Variants in PCDHGA3 observed in about 807,000 individuals in gnomAD.
The protein encoded by PCDHGA3 is protocadherin gamma-A3.
A neutral mutation model predicts 58.5 loss-of-function variants in PCDHGA3; 40 were observed. That is an observed-to-expected ratio of 0.68 (90% CI 0.53 to 0.89). The LOEUF (loss-of-function observed/expected upper bound fraction) is 0.89, where lower values mean the gene tolerates loss of function less well. PCDHGA3 is among the 40% of genes least tolerant of loss of function. The pLI, the probability that PCDHGA3 is intolerant of heterozygous loss-of-function variation, is 0.00. For missense variants in PCDHGA3, 1,223 were observed against 1,195.9 expected, an observed-to-expected ratio of 1.02 and a Z score of -0.33; for synonymous variants, 530 against 525.7, an observed-to-expected ratio of 1.01 and a Z score of -0.11.
At chr5:141,400,608 A>G in intron 1 of PCDHGA3, 1 of 1,580,872 alleles carries the variant, frequency 6.3e-7, no homozygotes, top group Admixed American at 1.7e-5. Flanking sequence ...TTTCAAGTCC[A>G]ATGAGTTGTC....
chr5:141,374,327 G>C (rs766746841), intron 1 of PCDHGA3: 24 of 1,613,984 alleles, frequency 1.5e-5, no homozygotes, highest in Non-Finnish European at 2.0e-5. Context: ...TCCGCGAAAC[G>C]GCAGCTTGGT....
intron 1 of PCDHGA3, chr5:141,428,419 CTCTGT>C (rs2097138377): frequency 4.4e-6 from 2 of 451,802 alleles, no homozygotes; most frequent in African/African-American, 2.0e-5. Context: ...TCACCCTGGT[CTCTGT>C]TCTAAGACTA....
intron 1 of PCDHGA3, chr5:141,404,978 G>C: frequency 6.2e-7 from 1 of 1,613,976 alleles, no homozygotes; most frequent in Non-Finnish European, 8.5e-7. Context: ...GGCTGACCTG[G>C]GCAGTCTTCA....
Position 141,432,151 on chromosome 5 carries a change from C to T in PCDHGA3, c.2425-62656C>T. 2 of 1,614,122 alleles carry T rather than the reference C, an allele frequency of 1.2e-6. No homozygotes were observed. The highest frequency in any genetic ancestry group is 2.2e-5 in the South Asian group (2 of 91,066). ...CCTATTCCGCTTATATCCCAGAGAA[C>T]AATCCCAGAGGAGTTTCCCTCGTCT... On this transcript the variant is annotated intron_variant, in intron 1 of 3. Transcript: ENST00000253812. The surrounding 1 kb of genome is among the most constrained non-coding windows in gnomAD (Gnocchi z 6.0).
chr5:141,402,892 A>G, intron 1 of PCDHGA3: 10 of 1,498,814 alleles, frequency 6.7e-6, no homozygotes, highest in Non-Finnish European at 8.9e-6. Flanking sequence ...GGTGGAAGAA[A>G]GAACCTGATG....
At position 141,486,637 on chromosome 5, in the gene PCDHGA3, G is replaced by C. The variant is rs761072169; in HGVS notation, c.2425-8170G>C. 28 of 1,613,638 alleles carry C rather than the reference G, an allele frequency of 1.7e-5. No homozygotes were observed. The highest frequency in any genetic ancestry group is 1.1e-5 in the Non-Finnish European group (13 of 1,180,034). ...CTGACCCAGACTCTGGCTTGAATGC[G>C]CTTATCTCCTACTCACTCCTGGAGC... On this transcript the variant is annotated intron_variant, in intron 1 of 3. Transcript: ENST00000253812. This position sits in a 1 kb window ranked among gnomAD's most constrained non-coding sequence, Gnocchi z 5.0.
Position 141,394,174 on chromosome 5 carries a change from A to G in PCDHGA3, c.2424+47717A>G, listed in dbSNP as rs774402638. On this transcript the variant is annotated intron_variant, in intron 1 of 3. Coordinates refer to ENST00000253812, the MANE Select transcript of PCDHGA3 (RefSeq NM_018916.4). ...AACGACAACCCTCCTACTTTCCCTC[A>G]TGCCTCCTACTCAGCGTATATCCTA... 3 of 1,613,706 alleles carry G rather than the reference A, an allele frequency of 1.9e-6. No individual in the cohort carries two copies. In the East Asian group the frequency reaches 6.7e-5, roughly 36 times the overall value.
In PCDHGA3 at chr5:141,489,291, C is replaced by A; in HGVS notation, c.2425-5516C>A. ...TCGCTGGGAAATGGCAAGTGCTGTG[C>A]ATGTTGTCCTTGTGCTGCTGGGGCT... is the stretch of plus-strand genomic sequence containing the variant. On this transcript the variant is annotated intron_variant, in intron 1 of 3. Transcript: ENST00000253812. This position sits in a 1 kb window ranked among gnomAD's most constrained non-coding sequence, Gnocchi z 4.5. 6.3e-7 allele frequency: 1 copy of A among 1,577,628 alleles called. No homozygotes were observed. The highest frequency in any genetic ancestry group is 8.6e-7 in the Non-Finnish European group (1 of 1,161,994).
chr5:141,360,186 G>A, intron 1 of PCDHGA3: 2 of 1,611,332 alleles, frequency 1.2e-6, no homozygotes, highest in Admixed American at 3.4e-5. Flanking sequence ...TGCAGGTACT[G>A]TTGCCCTTCC....
intron 1 of PCDHGA3, among the ~76,000 whole-genome samples, chr5:141,472,113 A>G (rs1296591849): frequency 1.3e-5 from 2 of 152,260 alleles, no homozygotes; most frequent in East Asian, 3.8e-4. Flanking sequence ...ATACATAAAG[A>G]AAATAAAAGA....
At chr5:141,404,023 A>G in intron 1 of PCDHGA3, 1 of 1,613,874 alleles carries the variant, frequency 6.2e-7, no homozygotes, top group South Asian at 1.1e-5. Context: ...GCCCAGTGAG[A>G]GAAGACGCAC....
chr5:141,415,883 G>A (rs2095968409), intron 1 of PCDHGA3: 1 of 983,982 alleles, frequency 1.0e-6, no homozygotes, highest in African/African-American at 1.7e-5. Context: ...GTACAATATT[G>A]ACAATTCCTA....
Position 141,486,589 on chromosome 5 carries a change from C to T in PCDHGA3, c.2425-8218C>T. On this transcript the variant is annotated intron_variant, in intron 1 of 3. Transcript: ENST00000253812. The surrounding 1 kb of genome is among the most constrained non-coding windows in gnomAD (Gnocchi z 5.0). ...TTCCTGAGAACAATCGCCCAGGGGA[C>T]CTGCTTTGCTCCCTTGCAGCCTCTG... 1 of 1,613,676 alleles carries T rather than the reference C, an allele frequency of 6.2e-7. No individual in the cohort carries two copies. Among genetic ancestry groups the T allele is most frequent in the African/African-American group, 1.3e-5 (1 of 75,064 alleles).
intron 1 of PCDHGA3, chr5:141,422,371 C>A: frequency 6.4e-7 from 1 of 1,567,208 alleles, no homozygotes; most frequent in South Asian, 1.2e-5. Context: ...AGAAAATGGT[C>A]AAGTCTCCTG....
In PCDHGA3 at chr5:141,414,129, C is replaced by A. The variant is rs1487550233; in HGVS notation, c.2424+67672C>A. The A allele has an allele frequency of 1.9e-6, 3 of 1,594,152 alleles. No homozygotes were observed. In the Admixed American group the frequency reaches 5.3e-5, roughly 28 times the overall value. ...ATCTAGATTATGAAGAAACCGGTTT[C>A]TATGAAATAGAAATACAAGCAGAAG... On this transcript the variant is annotated intron_variant, in intron 1 of 3. Coordinates refer to ENST00000253812, the MANE Select transcript of PCDHGA3 (RefSeq NM_018916.4).
chr5:141,413,816 T>A (rs1422730893), intron 1 of PCDHGA3: 1 of 1,613,128 alleles, frequency 6.2e-7, no homozygotes, highest in Non-Finnish European at 8.5e-7. Flanking sequence ...ATTCACCACC[T>A]GGTCCTCACC....
intron 1 of PCDHGA3, among the ~76,000 whole-genome samples, chr5:141,458,336 GA>G (rs762646440): frequency 1.3e-5 from 2 of 152,118 alleles, no homozygotes; most frequent in Non-Finnish European, 2.9e-5. Context: ...TGGTTTTAAG[GA>G]GTGGAGAGTT....
chr5:141,466,812 G>A (rs1394979761), intron 1 of PCDHGA3, among the ~76,000 whole-genome samples: 3 of 151,940 alleles, frequency 2.0e-5, no homozygotes, highest in Non-Finnish European at 4.4e-5. Flanking sequence ...ATTCAGACAT[G>A]GTATAACAAG....
chr5:141,366,393 A>T, intron 1 of PCDHGA3: 3 of 1,614,122 alleles, frequency 1.9e-6, no homozygotes, highest in Non-Finnish European at 8.5e-7. Flanking sequence ...GAGGATCTGG[A>T]CCTCACACTC....
Sources: gnomAD v4.1 joint callset for allele counts (sites outside exome capture counted in the v4.1 genomes callset) on GRCh38, gnomAD v4.1.1 for gene constraint, Gnocchi (gnomAD v3.1) non-coding constraint, MANE v1.5 for transcripts, NCBI Gene and HGNC (gene_info 2026-07-23, HGNC 2026-07-21) for gene names.